PIAS1: variants seen among roughly 807,000 people sequenced by gnomAD.
PIAS1 encodes the protein E3 SUMO-protein ligase PIAS1.
In PIAS1, 6 loss-of-function variants were observed where a neutral mutation model predicts 71.3. The observed-to-expected ratio is 0.08, with a 90% CI of 0.05 to 0.17. The LOEUF (loss-of-function observed/expected upper bound fraction) is 0.17. Ranked by LOEUF, PIAS1 falls within the 10% of genes least tolerant of loss-of-function variation. The pLI is 1.00. For synonymous variants in PIAS1, 303 were observed against 292.9 expected (o/e 1.03, Z -0.35); for missense variants, 555 against 793.6 (o/e 0.70, Z 3.61).
chr15:68,191,388 A>G lies in PIAS1; in HGVS notation c.*3553A>G, dbSNP rs1348937071. On this transcript the variant is annotated 3_prime_UTR_variant, in exon 14 of 14. Coordinates refer to ENST00000249636, the MANE Select transcript of PIAS1 (RefSeq NM_016166.3). ...AAAATATTTATTACATGCATTGGAA[A>G]AAAATTGTTTACCTATTGAATGTTA... The G allele has an allele frequency of 1.3e-5, 2 of 152,678 alleles. No homozygotes were observed. The highest frequency in any genetic ancestry group is 2.9e-5 in the Non-Finnish European group (2 of 68,048). The allele number at this position is 152,678 out of a possible 1,614,324, so 9.5% of individuals were successfully genotyped here.
chr15:68,088,311 C>T (rs932986608), intron 2 of PIAS1, among the ~76,000 whole-genome samples: 5 of 151,168 alleles, frequency 3.3e-5, no homozygotes, highest in African/African-American at 9.7e-5. Flanking sequence ...TTGATGAAAA[C>T]GTTGTGACCA....
At chr15:68,135,646 C>T (rs1369380607) in intron 2 of PIAS1, among the ~76,000 whole-genome samples, 32 of 64,996 alleles carry the variant, frequency 4.9e-4, no homozygotes, top group East Asian at 9.5e-4. Flanking sequence ...CCCTCCCGGA[C>T]GGGGTGGCTG....
chr15:68,066,752 T>C (rs1321799811), intron 1 of PIAS1, among the ~76,000 whole-genome samples: 1 of 152,182 alleles, frequency 6.6e-6, no homozygotes, highest in African/African-American at 2.4e-5. Context: ...TATTCTAATA[T>C]GTGATTTCAA....
chr15:68,144,699 G>A (rs1028979809), intron 4 of PIAS1, among the ~76,000 whole-genome samples: 2 of 152,008 alleles, frequency 1.3e-5, no homozygotes, highest in Non-Finnish European at 2.9e-5. Context: ...ACATCTGTTT[G>A]CTAAGTATAT....
At chr15:68,151,261 C>CCAGTACAAGCAG (rs2092841973) in intron 6 of PIAS1, among the ~76,000 whole-genome samples, 2 of 151,988 alleles carry the variant, frequency 1.3e-5, no homozygotes, top group African/African-American at 4.8e-5. Context: ...TTTGTTAGTA[C>CCAGTACAAGCAG]CACATTCTTT....
chr15:68,103,028 A>G (rs1481154171), intron 2 of PIAS1, among the ~76,000 whole-genome samples: 1 of 152,030 alleles, frequency 6.6e-6, no homozygotes, highest in African/African-American at 2.4e-5. Flanking sequence ...CCTGGACTCA[A>G]GTGATCTTCC....
At chr15:68,096,376 G>A (rs2092375475) in intron 2 of PIAS1, among the ~76,000 whole-genome samples, 1 of 149,696 alleles carries the variant, frequency 6.7e-6, no homozygotes, top group South Asian at 2.1e-4. Context: ...TTGCAGTTTT[G>A]TTCTTTTTCA....
rs2093102808 is a variant in PIAS1, at chr15:68,188,571, A to G, written c.*736A>G. On this transcript the variant is annotated 3_prime_UTR_variant, in exon 14 of 14. Transcript: ENST00000249636. The stretch of plus-strand genomic sequence containing the variant: ...TCACGTGTGAGCATCTTTATCAACT[A>G]TCCCAATTGCATGTTCTCCATCACA... 1 of 152,254 alleles carries G rather than the reference A, an allele frequency of 6.6e-6. No homozygotes were observed. Among genetic ancestry groups the G allele is most frequent in the African/African-American group, 2.4e-5 (1 of 41,464 alleles). The allele number at this position is 152,254 out of a possible 1,614,324, so 9.4% of individuals were successfully genotyped here.
At chr15:68,161,152 G>A (rs2092921364) in intron 7 of PIAS1, among the ~76,000 whole-genome samples, 1 of 152,166 alleles carries the variant, frequency 6.6e-6, no homozygotes, top group South Asian at 2.1e-4. Flanking sequence ...TTGTATTTCT[G>A]TTAGTAATGA....
intron 2 of PIAS1, among the ~76,000 whole-genome samples, chr15:68,130,140 A>T (rs1181374257): frequency 2.6e-5 from 4 of 152,076 alleles, no homozygotes. Flanking sequence ...TACCCCATAA[A>T]TATATACACC....
At chr15:68,181,507 T>C (rs1477626767) in intron 12 of PIAS1, 153 bp downstream of exon 12, 4 of 657,180 alleles carry the variant, frequency 6.1e-6, no homozygotes, top group African/African-American at 1.8e-5. Flanking sequence ...GCCGTTGTTA[T>C]AAATACTGAC....
intron 2 of PIAS1, among the ~76,000 whole-genome samples, chr15:68,092,424 C>T (rs2092340183): frequency 6.6e-6 from 1 of 152,142 alleles, no homozygotes; most frequent in Non-Finnish European, 1.5e-5. Context: ...CCGCTCACCT[C>T]AGCCTCTCAA....
intron 1 of PIAS1, among the ~76,000 whole-genome samples, chr15:68,055,462 G>A (rs201446285): frequency 6.6e-6 from 1 of 151,932 alleles, no homozygotes; most frequent in Non-Finnish European, 1.5e-5. Context: ...CTTCTTTACC[G>A]TAGCAGATAT....
intron 2 of PIAS1, among the ~76,000 whole-genome samples, chr15:68,106,958 T>G (rs1469825852): frequency 2.0e-5 from 3 of 152,108 alleles, no homozygotes; most frequent in Admixed American, 6.6e-5. Flanking sequence ...AATTCATGAG[T>G]GTTTAAAAGA....
chr15:68,090,927 GGTGTGTGTGTGT>G (rs10667510), intron 2 of PIAS1, among the ~76,000 whole-genome samples: 52 of 142,762 alleles, frequency 3.6e-4, no homozygotes, highest in Non-Finnish European at 5.6e-4. Context: ...GTCATTTACG[GGTGTGTGTGTGT>G]GTGTGTGTGT....
intron 6 of PIAS1, among the ~76,000 whole-genome samples, chr15:68,151,759 C>G (rs2092847253): frequency 6.7e-6 from 1 of 150,020 alleles, no homozygotes; most frequent in Non-Finnish European, 1.5e-5. Flanking sequence ...ACTTGGGATG[C>G]TGAGGCAGGA....
rs904704275 is a variant in PIAS1 at position 68,080,429 on chromosome 15, G to A, written c.25-5877G>A. Among the ~76,000 whole-genome samples the A allele has an allele frequency of 6.6e-5, 10 of 152,232 alleles. 1 individual carries two copies. The South Asian group carries it at 1.9e-3, about 28-fold the overall frequency. ...GAGTAGGCACTACAGGTCATTTTCC[G>A]GTTGTCTTATGCTGCAAAATAGATA... On this transcript the variant is annotated intron_variant, in intron 1 of 13. Coordinates refer to ENST00000249636, the MANE Select transcript of PIAS1 (RefSeq NM_016166.3).
At chr15:68,177,296 A>AAAAAAAAG (rs2093026600) in intron 11 of PIAS1, among the ~76,000 whole-genome samples, 1 of 151,438 alleles carries the variant, frequency 6.6e-6, no homozygotes, top group East Asian at 1.9e-4. Flanking sequence ...AAAAAAAAAA[A>AAAAAAAAG]AGAAAGAAAA....
At chr15:68,130,710 A>G (rs140019877) in intron 2 of PIAS1, among the ~76,000 whole-genome samples, 145 of 151,844 alleles carry the variant, frequency 9.5e-4, no homozygotes, top group Middle Eastern at 3.4e-3. Context: ...CACTTTTTGA[A>G]TATAGTTGTG....
Sources: allele counts gnomAD v4.1 joint callset (sites outside exome capture counted in the v4.1 genomes callset), GRCh38; gene constraint gnomAD v4.1.1; transcripts MANE v1.5; gene names NCBI Gene and HGNC (gene_info 2026-07-23, HGNC 2026-07-21).